TAFA5: variants seen among roughly 807,000 people sequenced by gnomAD.
TAFA5 encodes the protein TAFA chemokine like family member 5, also known as chemokine-like protein TAFA-5.
A neutral mutation model predicts 15.3 loss-of-function variants in TAFA5; 6 were observed. The observed-to-expected ratio is 0.39, with a 90% CI of 0.21 to 0.77. The LOEUF (loss-of-function observed/expected upper bound fraction) is 0.77. Among genes scored for constraint, TAFA5 ranks in the 30% least tolerant of loss-of-function variants. The pLI is 0.41. For missense variants in TAFA5, 161 were observed against 193.1 expected (o/e 0.83, Z 0.98); for synonymous variants, 103 against 80.7 (o/e 1.28, Z -1.48).
At chr22:48,662,465 G>A (rs1046562440) in intron 2 of TAFA5, among the ~76,000 whole-genome samples, 3 of 148,666 alleles carry the variant, frequency 2.0e-5, no homozygotes, top group East Asian at 2.0e-4. Flanking sequence ...GACTGTGGTC[G>A]CGTGGGGAAG....
chr22:48,713,456 C>T (rs957200475), intron 3 of TAFA5, among the ~76,000 whole-genome samples: 1 of 152,238 alleles, frequency 6.6e-6, no homozygotes, highest in African/African-American at 2.4e-5. Flanking sequence ...AAAATGCTGT[C>T]TCTTCTCTCG....
intron 2 of TAFA5, among the ~76,000 whole-genome samples, chr22:48,661,110 A>G (rs2147214169): frequency 6.6e-6 from 1 of 152,288 alleles, no homozygotes; most frequent in South Asian, 2.1e-4. Context: ...AAATCATGAG[A>G]GCACGTACGG....
At chr22:48,576,596 C>A in intron 1 of TAFA5, 1 of 1,420,512 alleles carries the variant, frequency 7.0e-7, no homozygotes. Flanking sequence ...GCGCGCGGAC[C>A]GGTCCTCCGC....
chr22:48,501,341 C>T (rs1441437619), intron 1 of TAFA5, among the ~76,000 whole-genome samples: 3 of 152,240 alleles, frequency 2.0e-5, no homozygotes, highest in Non-Finnish European at 2.9e-5. Flanking sequence ...ACCTAAGGCC[C>T]GTTGGCCTTT....
At chr22:48,714,595 A>G (rs753401764) in intron 3 of TAFA5, among the ~76,000 whole-genome samples, 25 of 152,192 alleles carry the variant, frequency 1.6e-4, no homozygotes, top group Non-Finnish European at 2.9e-4. Context: ...ACAGCCAAGC[A>G]TGGCAGGAAC....
At chr22:48,576,655 C>A (rs1461964354) in intron 1 of TAFA5, 23 of 1,235,920 alleles carry the variant, frequency 1.9e-5, no homozygotes, top group South Asian at 3.3e-5. Flanking sequence ...GCTTCCAGCA[C>A]GTTCCGCTGC....
At chr22:48,541,861 G>A (rs1239196572) in intron 1 of TAFA5, among the ~76,000 whole-genome samples, 1 of 152,202 alleles carries the variant, frequency 6.6e-6, no homozygotes, top group Non-Finnish European at 1.5e-5. Flanking sequence ...CTTCCAGCTG[G>A]GGGAAGCCGG....
intron 2 of TAFA5, among the ~76,000 whole-genome samples, chr22:48,666,849 G>A (rs1927634239): frequency 6.6e-6 from 1 of 152,122 alleles, no homozygotes; most frequent in African/African-American, 2.4e-5. Flanking sequence ...CATTCCATCC[G>A]GAGCCCAGGA....
Position 48,532,701 on chromosome 22 carries a change from A to G in TAFA5, c.112+42997A>G, listed in dbSNP as rs573605828. 5.9e-5 allele frequency among the ~76,000 whole-genome samples: 9 copies of G among 152,270 alleles called. No homozygotes were observed. In the South Asian group the frequency reaches 8.3e-4, roughly 14 times the overall value. On this transcript the variant is annotated intron_variant, in intron 1 of 3. Transcript: ENST00000402357. ...TCTCACACGTGGCTTCCAGGTCACC[A>G]TGAAAGGGGAAGAAGAGGAGGATGG...
chr22:48,660,853 A>G (rs6587323), intron 2 of TAFA5, among the ~76,000 whole-genome samples: 113,279 of 151,930 alleles, frequency 0.75, 42,375 homozygotes, highest in South Asian at 0.82. Flanking sequence ...AGACACTCTC[A>G]GAGCTCCTGG....
intron 3 of TAFA5, among the ~76,000 whole-genome samples, chr22:48,721,626 T>G (rs1929571997): frequency 6.6e-6 from 1 of 152,256 alleles, no homozygotes; most frequent in Admixed American, 6.5e-5. Flanking sequence ...GAGATTAATT[T>G]CTTTGTAAAG....
At chr22:48,631,471 C>G (rs140914489) in intron 1 of TAFA5, among the ~76,000 whole-genome samples, 62 of 152,336 alleles carry the variant, frequency 4.1e-4, no homozygotes, top group African/African-American at 1.4e-3. Context: ...GAGTGGCTCG[C>G]GTGGATATTC....
chr22:48,576,588 G>T (rs1296553241), intron 1 of TAFA5: 2 of 1,439,406 alleles, frequency 1.4e-6, no homozygotes, highest in South Asian at 1.5e-5. Context: ...GTCCCCGGGC[G>T]CGCGGACCGG....
chr22:48,697,019 C>T (rs186975789), intron 2 of TAFA5, among the ~76,000 whole-genome samples: 96 of 152,320 alleles, frequency 6.3e-4, no homozygotes, highest in African/African-American at 2.1e-3. Flanking sequence ...AAAAGGGCTT[C>T]CTTGAAGGGA....
At chr22:48,653,971 G>T (rs1927145612) in intron 2 of TAFA5, among the ~76,000 whole-genome samples, 1 of 152,164 alleles carries the variant, frequency 6.6e-6, no homozygotes, top group Admixed American at 6.5e-5. Flanking sequence ...AAACATGGGT[G>T]CCCGAGCCTC....
At chr22:48,659,104 C>T (rs569995281) in intron 2 of TAFA5, among the ~76,000 whole-genome samples, 5 of 152,324 alleles carry the variant, frequency 3.3e-5, no homozygotes, top group African/African-American at 4.8e-5. Context: ...TTCTGGACCC[C>T]GCGGCGGAGG....
At chr22:48,675,123 G>A (rs1363536233) in intron 2 of TAFA5, among the ~76,000 whole-genome samples, 2 of 152,150 alleles carry the variant, frequency 1.3e-5, no homozygotes, top group African/African-American at 4.8e-5. Flanking sequence ...TGTATTTTTA[G>A]TAGAGATGGG....
chr22:48,540,223 T>C (rs1203864365), intron 1 of TAFA5, among the ~76,000 whole-genome samples: 1 of 151,958 alleles, frequency 6.6e-6, no homozygotes, highest in Non-Finnish European at 1.5e-5. Context: ...TTTGAATTCA[T>C]TTCCCACTGC....
intron 1 of TAFA5, among the ~76,000 whole-genome samples, chr22:48,502,332 G>C (rs966794438): frequency 6.6e-6 from 1 of 152,072 alleles, no homozygotes; most frequent in African/African-American, 2.4e-5. Flanking sequence ...CTGTGTATTT[G>C]GTTTTATTAC....
Sources: gnomAD v4.1 joint callset for allele counts (sites outside exome capture counted in the v4.1 genomes callset) on GRCh38, gnomAD v4.1.1 for gene constraint, MANE v1.5 for transcripts, NCBI Gene and HGNC (gene_info 2026-07-23, HGNC 2026-07-21) for gene names.